The following PPP1R1C variants were observed in gnomAD, a reference collection of about 807,000 sequenced individuals.
PPP1R1C encodes protein phosphatase 1 regulatory inhibitor subunit 1C, also known as protein phosphatase 1 regulatory subunit 1C.
In PPP1R1C, 15 loss-of-function variants were observed where a neutral mutation model predicts 17.4. The ratio of observed to expected loss-of-function variants is 0.86; its 90% CI spans 0.58 to 1.33. The LOEUF is 1.33. PPP1R1C is among the 40% of genes most tolerant of loss of function. PPP1R1C has a pLI of 0.00. For missense variants in PPP1R1C, 143 were observed against 130.0 expected, an observed-to-expected ratio of 1.10 and a Z score of -0.48; for synonymous variants, 35 against 43.1, an observed-to-expected ratio of 0.81 and a Z score of 0.73.
intron 2 of PPP1R1C, among the ~76,000 whole-genome samples, chr2:182,022,994 G>T (rs189699666): frequency 6.6e-6 from 1 of 152,190 alleles, no homozygotes; most frequent in East Asian, 1.9e-4. Flanking sequence ...AATTAATGTG[G>T]AAATAATATC....
intron 2 of PPP1R1C, among the ~76,000 whole-genome samples, chr2:182,040,442 G>A (rs146515988): frequency 2.0e-5 from 3 of 152,088 alleles, no homozygotes; most frequent in East Asian, 1.9e-4. Flanking sequence ...ATTGGCCATC[G>A]GTATATCTTC....
At chr2:182,084,989 A>G (rs964096643) in intron 4 of PPP1R1C, among the ~76,000 whole-genome samples, 39 of 151,888 alleles carry the variant, frequency 2.6e-4, no homozygotes, top group Non-Finnish European at 5.9e-5. Flanking sequence ...GTATATTCCT[A>G]GGTATTTTAT....
At chr2:182,045,043 A>G (rs1687302098) in intron 2 of PPP1R1C, among the ~76,000 whole-genome samples, 1 of 152,176 alleles carries the variant, frequency 6.6e-6, no homozygotes, top group African/African-American at 2.4e-5. Flanking sequence ...TTGAGCTGGT[A>G]TCTTGTTACA....
chr2:181,961,407 G>A lies in PPP1R1C; in HGVS notation n.111+6773G>A. The A allele has an allele frequency of 1.4e-6, 1 of 732,032 alleles. No individual in the cohort carries two copies. The highest frequency in any genetic ancestry group is 2.4e-6 in the Non-Finnish European group (1 of 411,000). 45.3% of individuals were successfully genotyped at this position (732,032 alleles called of 1,614,324 possible). ...GCAGAGCCTCGTACTCCCCGATCTG[G>A]TGCTGTCCCTCTGCCCGGCTCTGTG... On this transcript the variant is annotated intron_variant and non_coding_transcript_variant, in intron 1 of 5. Transcript: ENST00000464264. The surrounding 1 kb of genome is among the most constrained non-coding windows in gnomAD (Gnocchi z 5.8).
At chr2:181,987,396 G>C (rs912076140) in intron 1 of PPP1R1C, among the ~76,000 whole-genome samples, 1 of 151,960 alleles carries the variant, frequency 6.6e-6, no homozygotes, top group Non-Finnish European at 1.5e-5. Flanking sequence ...GAAATTCAAA[G>C]CTTATGCTGT....
At chr2:182,019,727 C>A (rs1686360007) in intron 2 of PPP1R1C, among the ~76,000 whole-genome samples, 1 of 152,142 alleles carries the variant, frequency 6.6e-6, no homozygotes, top group Non-Finnish European at 1.5e-5. Context: ...GAGATCTGAT[C>A]ACAAATCCAG....
intron 4 of PPP1R1C, among the ~76,000 whole-genome samples, chr2:182,116,919 T>C (rs1689601354): frequency 2.0e-5 from 3 of 152,158 alleles, no homozygotes; most frequent in Non-Finnish European, 4.4e-5. Flanking sequence ...TAAGAATCTG[T>C]GAGCAGATTT....
chr2:182,127,552 C>T (rs1689904041), intron 5 of PPP1R1C, among the ~76,000 whole-genome samples: 1 of 152,084 alleles, frequency 6.6e-6, no homozygotes, highest in African/African-American at 2.4e-5. Flanking sequence ...ACATCTCAAC[C>T]AAGCTGCTGC....
intron 2 of PPP1R1C, among the ~76,000 whole-genome samples, chr2:182,030,522 C>CTCGGGGG (rs1312429924): frequency 1.6e-4 from 24 of 150,356 alleles, no homozygotes; most frequent in Admixed American, 3.3e-4. Context: ...AGTTAGGCTG[C>CTCGGGGG]TCGGGGGTCA....
intron 2 of PPP1R1C, among the ~76,000 whole-genome samples, chr2:181,990,433 G>A (rs1011828858): frequency 6.6e-6 from 1 of 152,058 alleles, no homozygotes; most frequent in African/African-American, 2.4e-5. Context: ...CTGAGCCACA[G>A]CGCCCGGCCT....
intron 1 of PPP1R1C, among the ~76,000 whole-genome samples, chr2:181,972,173 T>A (rs1395308178): frequency 6.6e-6 from 1 of 152,238 alleles, no homozygotes; most frequent in African/African-American, 2.4e-5. Flanking sequence ...AATCTGGAGT[T>A]CTTTACTCAG....
rs534019411 is a variant in PPP1R1C at position 181,976,602 on chromosome 2, G to GTATATCTATATC, written n.157+1352_157+1363dup. On this transcript the variant is annotated intron_variant and non_coding_transcript_variant, in intron 2 of 5. Coordinates refer to the PPP1R1C transcript ENST00000464264. The surrounding 1 kb of genome is among the most constrained non-coding windows in gnomAD (Gnocchi z 4.8). ...TAATATAAATTTTATCTATATATCT[G>GTATATCTATATC]TATATCTATATCTATATCTATATCT... Among the ~76,000 whole-genome samples, 2 of 151,952 alleles carry GTATATCTATATC rather than the reference G, an allele frequency of 1.3e-5. No homozygotes were observed. Among genetic ancestry groups the GTATATCTATATC allele is most frequent in the South Asian group, 2.1e-4 (1 of 4,804 alleles).
At chr2:181,981,696 C>T (rs937238619), upstream of PPP1R1C, among the ~76,000 whole-genome samples, 2 of 152,094 alleles carry the variant, frequency 1.3e-5, no homozygotes, top group African/African-American at 4.8e-5. Flanking sequence ...TCTATGAAAG[C>T]CCAATAATAT....
At chr2:182,024,314 C>T (rs1686523318) in intron 2 of PPP1R1C, among the ~76,000 whole-genome samples, 1 of 151,832 alleles carries the variant, frequency 6.6e-6, no homozygotes, top group African/African-American at 2.4e-5. Context: ...ACATTATATC[C>T]CGAAATATAA....
chr2:181,997,286 C>T (rs1010507430), intron 2 of PPP1R1C, among the ~76,000 whole-genome samples: 2 of 150,044 alleles, frequency 1.3e-5, no homozygotes, highest in African/African-American at 4.9e-5. Flanking sequence ...TGCATGAACA[C>T]ACGTACACAT....
chr2:182,021,511 A>G (rs917554927), intron 2 of PPP1R1C, among the ~76,000 whole-genome samples: 1 of 151,890 alleles, frequency 6.6e-6, no homozygotes, highest in African/African-American at 2.4e-5. Context: ...TATTTTTAGT[A>G]GAGACAGGGT....
At position 181,962,402 on chromosome 2, in the gene PPP1R1C, G is replaced by A; in HGVS notation, n.111+7768G>A. ...GCTGGCCATGCAGCTGGCCGGCCGG[G>A]CGCCGTAGTTGGACACCTGGACAGA... On this transcript the variant is annotated intron_variant and non_coding_transcript_variant, in intron 1 of 5. Coordinates refer to the PPP1R1C transcript ENST00000464264. This position sits in a 1 kb window ranked among gnomAD's most constrained non-coding sequence, Gnocchi z 6.0. 1.4e-6 allele frequency: 1 copy of A among 740,268 alleles called. No homozygotes were observed. The highest frequency in any genetic ancestry group is 2.0e-5 in the Admixed American group (1 of 51,170). The allele number at this position is 740,268 out of a possible 1,614,324, so 45.9% of individuals were successfully genotyped here.
At chr2:182,035,076 G>C (rs1296033778) in intron 2 of PPP1R1C, among the ~76,000 whole-genome samples, 1 of 152,168 alleles carries the variant, frequency 6.6e-6, no homozygotes, top group Non-Finnish European at 1.5e-5. Context: ...AATGCTTTGT[G>C]AGGGAATGGG....
At chr2:182,102,608 A>C (rs1689130416) in intron 4 of PPP1R1C, among the ~76,000 whole-genome samples, 1 of 152,204 alleles carries the variant, frequency 6.6e-6, no homozygotes, top group Non-Finnish European at 1.5e-5. Context: ...TCATGGACAC[A>C]AGTTCAGGAT....
Sources: allele counts gnomAD v4.1 joint callset (sites outside exome capture counted in the v4.1 genomes callset), GRCh38; gene constraint gnomAD v4.1.1; non-coding constraint Gnocchi (gnomAD v3.1); transcripts MANE v1.5; gene names NCBI Gene and HGNC (gene_info 2026-07-23, HGNC 2026-07-21).